Variants in RIMBP2 observed in about 807,000 individuals in gnomAD.
RIMBP2 encodes the protein RIMS-binding protein 2.
In RIMBP2, 48 loss-of-function variants were observed where a neutral mutation model predicts 118.6. The observed-to-expected ratio is 0.40, with a 90% CI of 0.32 to 0.51. RIMBP2 has a LOEUF of 0.51. RIMBP2 is among the 20% of genes least tolerant of loss of function. The pLI, the probability that RIMBP2 is intolerant of heterozygous loss-of-function variation, is 0.41. For missense variants in RIMBP2, 1,551 were observed against 1,768.3 expected (o/e 0.88, Z 2.20); for synonymous variants, 762 against 742.9 (o/e 1.03, Z -0.42).
intron 2 of RIMBP2, among the ~76,000 whole-genome samples, chr12:130,531,921 T>C (rs950618036): frequency 6.7e-6 from 1 of 148,770 alleles, no homozygotes; most frequent in Non-Finnish European, 1.5e-5. Context: ...TTACGTCTAA[T>C]GAGATGCGTA....
At chr12:130,561,147 C>A (rs1001913994) in intron 2 of RIMBP2, among the ~76,000 whole-genome samples, 19 of 152,162 alleles carry the variant, frequency 1.2e-4, no homozygotes, top group African/African-American at 4.6e-4. Context: ...GAGGCCAGAA[C>A]AGGGGCTCCC....
At chr12:130,459,296 A>T (rs1426463404) in intron 6 of RIMBP2, among the ~76,000 whole-genome samples, 1 of 151,832 alleles carries the variant, frequency 6.6e-6, no homozygotes, top group Non-Finnish European at 1.5e-5. Context: ...TACGAAAAAA[A>T]AAAAAGAGTG....
Position 130,578,114 on chromosome 12 carries a change from CTG to C in RIMBP2, c.-217+50206_-217+50207del, listed in dbSNP as rs2058214709. Among the ~76,000 whole-genome samples, 1 of 152,212 alleles carries C rather than the reference CTG, an allele frequency of 6.6e-6. No homozygotes were observed. The highest frequency in any genetic ancestry group is 2.4e-5 in the African/African-American group (1 of 41,444). On this transcript the variant is annotated intron_variant, in intron 2 of 22. Transcript: ENST00000690449. This position sits in a 1 kb window ranked among gnomAD's most constrained non-coding sequence, Gnocchi z 4.1. ...TAAGCCATTATCACCCAGTAGCACA[CTG>C]TGGCAAATTATTCACAGGATTCAGA...
At chr12:130,448,566 C>T (rs1320276587) in intron 9 of RIMBP2, among the ~76,000 whole-genome samples, 1 of 152,256 alleles carries the variant, frequency 6.6e-6, no homozygotes, top group Admixed American at 6.5e-5. Context: ...ATGGCTGCGC[C>T]TGGGCCTGCT....
Position 130,399,333 on chromosome 12 carries a change from CAG to C in RIMBP2, c.3900+344_3900+345del, listed in dbSNP as rs201887988. Among the ~76,000 whole-genome samples the C allele has an allele frequency of 4.4e-3, 666 of 152,272 alleles. 11 individuals carry two copies. The highest frequency in any genetic ancestry group is 0.037 in the Admixed American group (567 of 15,294). On this transcript the variant is annotated intron_variant, in intron 22 of 22. Coordinates refer to ENST00000690449, the MANE Select transcript of RIMBP2 (RefSeq NM_001393629.1). ...CCTTGTGAAGAGACTAAAGTCCTAA[CAG>C]AGGGCAAATAACCTCCATTGCCCAC...
intron 21 of RIMBP2, among the ~76,000 whole-genome samples, chr12:130,404,960 A>T (rs2075021446): frequency 6.6e-6 from 1 of 152,144 alleles, no homozygotes; most frequent in African/African-American, 2.4e-5. Context: ...TGATTTTTTT[A>T]AAGTAGGGAA....
intron 1 of RIMBP2, among the ~76,000 whole-genome samples, chr12:130,646,176 TCTC>T (rs2062916341): frequency 2.8e-5 from 2 of 71,752 alleles, no homozygotes; most frequent in Non-Finnish European, 6.9e-5. Flanking sequence ...ACCACCTGCC[TCTC>T]CACCTCCCTC....
At chr12:130,512,303 G>T (rs1204570386) in intron 3 of RIMBP2, among the ~76,000 whole-genome samples, 1 of 151,556 alleles carries the variant, frequency 6.6e-6, no homozygotes, top group African/African-American at 2.4e-5. Flanking sequence ...CTGCATCAAG[G>T]TCTCTGCCTC....
chr12:130,604,381 G>A lies in RIMBP2; in HGVS notation c.-217+23941C>T, dbSNP rs370113442. On this transcript the variant is annotated intron_variant, in intron 2 of 22. Coordinates refer to ENST00000690449, the MANE Select transcript of RIMBP2 (RefSeq NM_001393629.1). ...TTTTTGAAAAATGCCTTTGAATCAT[G>A]TTTTAGGCTACTCAGTGCGGCCCGA... 3.4e-4 allele frequency among the ~76,000 whole-genome samples: 50 copies of A among 148,284 alleles called. 1 individual carries two copies. Among genetic ancestry groups the A allele is most frequent in the African/African-American group, 1.2e-3 (47 of 40,286 alleles).
chr12:130,652,131 G>A (rs1448287648), intron 1 of RIMBP2, among the ~76,000 whole-genome samples: 1 of 152,174 alleles, frequency 6.6e-6, no homozygotes, highest in Non-Finnish European at 1.5e-5. Flanking sequence ...CTGAAGCTAT[G>A]TATTTTCCTT....
intron 3 of RIMBP2, among the ~76,000 whole-genome samples, chr12:130,509,305 A>C (rs749014559): frequency 1.3e-5 from 2 of 152,166 alleles, no homozygotes; most frequent in Non-Finnish European, 2.9e-5. Flanking sequence ...GGTCCCCATA[A>C]AAACTCTGGC....
chr12:130,665,647 G>T (rs1461271174), intron 1 of RIMBP2, among the ~76,000 whole-genome samples: 2 of 149,324 alleles, frequency 1.3e-5, no homozygotes, highest in East Asian at 3.9e-4. Flanking sequence ...TTCAAAAATG[G>T]TCCAAGGGAA....
intron 10 of RIMBP2, 88 bp downstream of exon 10, chr12:130,445,072 C>T: frequency 1.2e-6 from 1 of 814,876 alleles, no homozygotes; most frequent in Non-Finnish European, 1.9e-6. Flanking sequence ...GTTGGGAGCC[C>T]TGCCTATCTA....
At chr12:130,441,408 A>AATAATAATAATC (rs2078117355) in intron 11 of RIMBP2, among the ~76,000 whole-genome samples, 2 of 87,116 alleles carry the variant, frequency 2.3e-5, no homozygotes, top group South Asian at 3.0e-4. Context: ...CTCAAATAAT[A>AATAATAATAATC]ATAATAATAA....
intron 1 of RIMBP2, among the ~76,000 whole-genome samples, chr12:130,692,910 G>A (rs906418091): frequency 6.6e-6 from 1 of 151,558 alleles, no homozygotes; most frequent in Non-Finnish European, 1.5e-5. Flanking sequence ...ATAGGGTAGG[G>A]TAGGATAGGG....
chr12:130,573,722 G>T (rs775620692), intron 2 of RIMBP2, among the ~76,000 whole-genome samples: 5 of 152,072 alleles, frequency 3.3e-5, no homozygotes, highest in Admixed American at 3.3e-4. Flanking sequence ...GGGCAGGAGG[G>T]TGCAAGTGGA....
chr12:130,548,114 A>G (rs2138219), intron 2 of RIMBP2, among the ~76,000 whole-genome samples: 36,374 of 152,074 alleles, frequency 0.24, 4,387 homozygotes, highest in East Asian at 0.26. Context: ...TCAAAGCATG[A>G]ACAGGAGTGA....
At chr12:130,435,477 G>A in intron 13 of RIMBP2, among the ~76,000 whole-genome samples, 1 of 152,154 alleles carries the variant, frequency 6.6e-6, no homozygotes, top group East Asian at 1.9e-4. Context: ...GGAAGTATTT[G>A]CTTTCTCTCC....
chr12:130,402,185 G>A (rs933208030), intron 21 of RIMBP2, among the ~76,000 whole-genome samples: 1 of 152,162 alleles, frequency 6.6e-6, no homozygotes, highest in East Asian at 1.9e-4. Flanking sequence ...CTTGCTCGCG[G>A]TGTGAATACT....
Sources: gnomAD v4.1 joint callset for allele counts (sites outside exome capture counted in the v4.1 genomes callset) on GRCh38, gnomAD v4.1.1 for gene constraint, Gnocchi (gnomAD v3.1) non-coding constraint, MANE v1.5 for transcripts, NCBI Gene and HGNC (gene_info 2026-07-23, HGNC 2026-07-21) for gene names.